Variants in PARP8 observed in about 807,000 individuals in gnomAD.
PARP8 encodes the protein poly(ADP-ribose) polymerase family member 8, also known as protein mono-ADP-ribosyltransferase PARP8.
Under a neutral mutation model 124.1 loss-of-function variants are expected in PARP8, and 51 were observed. The ratio of observed to expected loss-of-function variants is 0.41; its 90% CI spans 0.33 to 0.52. The LOEUF (loss-of-function observed/expected upper bound fraction) is 0.52, where lower values mean the gene tolerates loss of function less well. PARP8 is among the 20% of genes least tolerant of loss of function. The pLI, the probability that PARP8 is intolerant of heterozygous loss-of-function variation, is 0.21. For missense variants in PARP8, 860 were observed against 1,018.9 expected (o/e 0.84, Z 2.12); for synonymous variants, 391 against 361.5 (o/e 1.08, Z -0.93).
intron 23 of PARP8, among the ~76,000 whole-genome samples, chr5:50,833,679 TAAAG>T (rs1747243846): frequency 6.6e-6 from 1 of 152,152 alleles, no homozygotes; most frequent in Admixed American, 6.5e-5. Context: ...TACCTTGAAA[TAAAG>T]AGGCCAAGCT....
At chr5:50,775,286 A>C (rs1166739529) in intron 7 of PARP8, among the ~76,000 whole-genome samples, 1 of 152,228 alleles carries the variant, frequency 6.6e-6, no homozygotes, top group Non-Finnish European at 1.5e-5. Flanking sequence ...TGAGTGAGTG[A>C]GACTCCATCT....
intron 2 of PARP8, among the ~76,000 whole-genome samples, chr5:50,711,077 G>A (rs569329712): frequency 6.6e-6 from 1 of 152,048 alleles, no homozygotes; most frequent in Admixed American, 6.6e-5. Context: ...GTTGCTACTG[G>A]TCGTCTGTAA....
In PARP8 at chr5:50,821,227, A is replaced by G. The variant is rs1291959631; in HGVS notation, c.1683A>G (p.Leu561=). 2 of 1,613,994 alleles carry G rather than the reference A, an allele frequency of 1.2e-6. No homozygotes were observed. Among genetic ancestry groups the G allele is most frequent in the African/African-American group, 2.7e-5 (2 of 75,014 alleles). ...IATGAQVVDL[L]VSMCRSALES... is the part of the protein sequence containing the mutation. The stretch of plus-strand genomic sequence containing the variant: ...TATATTTCAAGGTGGTAGATCTACT[A>G]GTATCCATGTGTAGGTCTGCGTTGG... The change falls in exon 16 of 26, where the codon CTA becomes CTG. Residue 561 remains leucine, a synonymous_variant. Coordinates refer to ENST00000281631, the MANE Select transcript of PARP8 (RefSeq NM_024615.4).
intron 7 of PARP8, among the ~76,000 whole-genome samples, chr5:50,765,538 A>G (rs1437351477): frequency 1.3e-5 from 2 of 152,192 alleles, no homozygotes; most frequent in African/African-American, 4.8e-5. Flanking sequence ...CAGTCAAATG[A>G]AGTATCTAAA....
intron 9 of PARP8, among the ~76,000 whole-genome samples, chr5:50,786,531 AT>A (rs753027033): frequency 0.034 from 4,896 of 142,118 alleles, 109 homozygotes; most frequent in African/African-American, 0.064. Flanking sequence ...TGCCTGGCTA[AT>A]TTTTTTTTTT....
intron 14 of PARP8, among the ~76,000 whole-genome samples, chr5:50,812,645 G>A (rs1379673397): frequency 6.6e-6 from 1 of 152,080 alleles, no homozygotes; most frequent in South Asian, 2.1e-4. Context: ...TGCTTTTGGT[G>A]TTTTAGACAT....
chr5:50,711,936 T>C (rs1439693309), intron 2 of PARP8, among the ~76,000 whole-genome samples: 1 of 152,170 alleles, frequency 6.6e-6, no homozygotes, highest in Non-Finnish European at 1.5e-5. Flanking sequence ...CTAGCATTAC[T>C]GTGATAATAA....
chr5:50,758,797 T>C (rs937138141), intron 3 of PARP8, among the ~76,000 whole-genome samples: 7 of 152,214 alleles, frequency 4.6e-5, no homozygotes, highest in Admixed American at 1.3e-4. Context: ...TATTACCATA[T>C]ACTTGGAGAC....
At chr5:50,815,560 C>T in intron 15 of PARP8, 36 bp downstream of exon 15, 1 of 1,500,820 alleles carries the variant, frequency 6.7e-7, no homozygotes. Flanking sequence ...TCTTATTTTG[C>T]TTTGAAAAAT....
chr5:50,705,959 G>T (rs1054386410), intron 2 of PARP8, among the ~76,000 whole-genome samples: 2 of 152,128 alleles, frequency 1.3e-5, no homozygotes, highest in African/African-American at 4.8e-5. Flanking sequence ...GTCCTTCAGT[G>T]AGAATCTTTG....
intron 14 of PARP8, among the ~76,000 whole-genome samples, chr5:50,799,434 C>T (rs1249623727): frequency 6.6e-6 from 1 of 152,154 alleles, no homozygotes; most frequent in African/African-American, 2.4e-5. Flanking sequence ...GCATGTCTGT[C>T]CTTAGGCCAG....
chr5:50,714,258 G>T (rs1755075542), intron 2 of PARP8, among the ~76,000 whole-genome samples: 1 of 151,802 alleles, frequency 6.6e-6, no homozygotes. Flanking sequence ...AACACCGATT[G>T]CTGCTTGGCT....
At chr5:50,711,893 C>T (rs543682495) in intron 2 of PARP8, among the ~76,000 whole-genome samples, 12 of 152,084 alleles carry the variant, frequency 7.9e-5, no homozygotes, top group Middle Eastern at 3.4e-3. Context: ...CTCTTTTAAG[C>T]GAGTAGAGTA....
intron 2 of PARP8, among the ~76,000 whole-genome samples, chr5:50,705,908 G>A (rs1561268779): frequency 6.6e-6 from 1 of 152,086 alleles, no homozygotes; most frequent in Non-Finnish European, 1.5e-5. Context: ...TTCTCCATAT[G>A]GAGGGTCAGT....
intron 11 of PARP8, 98 bp from the exon 12 acceptor site, chr5:50,794,755 A>G (rs1561390091): frequency 5.5e-6 from 6 of 1,087,640 alleles, no homozygotes; most frequent in Non-Finnish European, 8.0e-6. Flanking sequence ...AGGTGGTAGA[A>G]TATTTATTAG....
chr5:50,690,323 A>G lies in PARP8; in HGVS notation c.146+22198A>G, dbSNP rs138781211. Among the ~76,000 whole-genome samples, 164 of 152,340 alleles carry G rather than the reference A, an allele frequency of 1.1e-3. 2 individuals are homozygous for G. Among genetic ancestry groups the G allele is most frequent in the African/African-American group, 3.6e-3 (148 of 41,584 alleles). On this transcript the variant is annotated intron_variant, in intron 2 of 25. Transcript: ENST00000281631. The stretch of plus-strand genomic sequence containing the variant: ...TAGAGGAATTAGAGAACTTAAGAGT[A>G]GAAAAAATTGGAAAAGCCACTGTGA...
At chr5:50,780,968 A>T (rs1740604142) in intron 9 of PARP8, among the ~76,000 whole-genome samples, 3 of 151,656 alleles carry the variant, frequency 2.0e-5, no homozygotes. Flanking sequence ...TTTTTTCTGT[A>T]TTTATTTCTG....
intron 2 of PARP8, among the ~76,000 whole-genome samples, chr5:50,690,074 AG>A (rs1402448881): frequency 2.6e-5 from 4 of 152,222 alleles, no homozygotes; most frequent in Non-Finnish European, 4.4e-5. Context: ...TCTGCAACAT[AG>A]GAAACAAACC....
chr5:50,757,272 A>T (rs1580230067), intron 3 of PARP8: 3 of 407,566 alleles, frequency 7.4e-6, no homozygotes, highest in Admixed American at 5.9e-5. Context: ...AATCATAAAA[A>T]AAAACAGGCC....
Sources: allele counts gnomAD v4.1 joint callset (sites outside exome capture counted in the v4.1 genomes callset), GRCh38; gene constraint gnomAD v4.1.1; transcripts MANE v1.5; gene names NCBI Gene and HGNC (gene_info 2026-07-23, HGNC 2026-07-21).